The following RIPOR3 variants were observed in gnomAD, a reference collection of about 807,000 sequenced individuals.
The protein encoded by RIPOR3 is RIPOR family member 3, also known as family with sequence similarity 65 member C.
A neutral mutation model predicts 114.3 loss-of-function variants in RIPOR3; 95 were observed. The ratio of observed to expected loss-of-function variants is 0.83; its 90% CI spans 0.70 to 0.99. RIPOR3 has a LOEUF of 0.99. Ranked by LOEUF, RIPOR3 falls within the 50% of genes least tolerant of loss-of-function variation. RIPOR3 has a pLI of 0.00. For synonymous variants in RIPOR3, 575 were observed against 543.8 expected, an observed-to-expected ratio of 1.06 and a Z score of -0.80; for missense variants, 1,252 against 1,266.9, an observed-to-expected ratio of 0.99 and a Z score of 0.18.
intron 4 of RIPOR3, among the ~76,000 whole-genome samples, chr20:50,611,870 TCC>T (rs1406173388): frequency 6.6e-6 from 1 of 152,106 alleles, no homozygotes; most frequent in African/African-American, 2.4e-5. Context: ...ACGCCTGTAA[TCC>T]CAGCACTTTG....
At chr20:50,668,435 G>C (rs894816308) in intron 1 of RIPOR3, among the ~76,000 whole-genome samples, 1 of 152,182 alleles carries the variant, frequency 6.6e-6, no homozygotes, top group African/African-American at 2.4e-5. Flanking sequence ...AACAGGCAAA[G>C]CTGCTTCCTG....
At chr20:50,641,147 G>A (rs918553720) in intron 1 of RIPOR3, among the ~76,000 whole-genome samples, 1 of 152,020 alleles carries the variant, frequency 6.6e-6, no homozygotes, top group African/African-American at 2.4e-5. Flanking sequence ...CTGACCTCAG[G>A]TAATCCGCCT....
At chr20:50,619,496 G>A (rs945943187) in intron 3 of RIPOR3, among the ~76,000 whole-genome samples, 14 of 150,720 alleles carry the variant, frequency 9.3e-5, no homozygotes, top group African/African-American at 2.7e-4. Flanking sequence ...TGCAGGCCTC[G>A]GCCCAGCTCA....
intron 1 of RIPOR3, among the ~76,000 whole-genome samples, chr20:50,666,591 G>C (rs778789583): frequency 6.6e-5 from 10 of 150,928 alleles, no homozygotes; most frequent in African/African-American, 2.0e-4. Flanking sequence ...TTGAGACGGC[G>C]TCTCACTCTG....
At chr20:50,681,228 A>AG (rs2123606488) in intron 1 of RIPOR3, among the ~76,000 whole-genome samples, 1 of 103,462 alleles carries the variant, frequency 9.7e-6, no homozygotes, top group Admixed American at 1.1e-4. Flanking sequence ...CTGTCTCAAA[A>AG]AAAAAAAAAA....
intron 1 of RIPOR3, among the ~76,000 whole-genome samples, chr20:50,633,975 C>T (rs1269310068): frequency 6.2e-5 from 8 of 128,980 alleles, no homozygotes; most frequent in African/African-American, 1.1e-4. Context: ...TTCTTTCTTT[C>T]TTTTCTTTTT....
At chr20:50,680,551 C>T (rs771520030) in intron 1 of RIPOR3, among the ~76,000 whole-genome samples, 5 of 152,240 alleles carry the variant, frequency 3.3e-5, no homozygotes, top group Non-Finnish European at 5.9e-5. Flanking sequence ...AATTACCCTT[C>T]AGAATAGGTA....
At chr20:50,669,794 C>A (rs2086398406) in intron 1 of RIPOR3, among the ~76,000 whole-genome samples, 1 of 151,732 alleles carries the variant, frequency 6.6e-6, no homozygotes, top group South Asian at 2.1e-4. Context: ...GGCAGAGGGA[C>A]CTGCAGAAGG....
intron 2 of RIPOR3, among the ~76,000 whole-genome samples, chr20:50,627,085 G>A (rs1022017514): frequency 6.6e-6 from 1 of 152,100 alleles, no homozygotes; most frequent in Non-Finnish European, 1.5e-5. Context: ...AGGAGGCTGA[G>A]GCAGAAGAAT....
intron 1 of RIPOR3, among the ~76,000 whole-genome samples, chr20:50,672,551 A>C (rs573825193): frequency 1.3e-5 from 2 of 152,252 alleles, no homozygotes; most frequent in South Asian, 4.1e-4. Flanking sequence ...TGATAGCCCC[A>C]GTAACTGACT....
intron 1 of RIPOR3, among the ~76,000 whole-genome samples, chr20:50,643,303 T>G (rs1234302115): frequency 7.2e-4 from 108 of 149,514 alleles, no homozygotes; most frequent in Admixed American, 9.9e-4. Flanking sequence ...TGTGTGTGTT[T>G]TTTTTTTTTT....
At chr20:50,644,500 T>A (rs905793206) in intron 1 of RIPOR3, among the ~76,000 whole-genome samples, 2 of 152,048 alleles carry the variant, frequency 1.3e-5, no homozygotes, top group Admixed American at 6.6e-5. Flanking sequence ...CTTTTTTTTC[T>A]TTGAGGCAAG....
chr20:50,587,904 T>A lies in RIPOR3; in HGVS notation c.2662-12A>T. On this transcript the variant is annotated splice_polypyrimidine_tract_variant and intron_variant, in intron 20 of 21. Coordinates refer to ENST00000327979, the MANE Select transcript of RIPOR3 (RefSeq NM_001290268.2). ...ATGCTTTCAATGCCCTGTTCGAGATTAGGAGAAAAAGAACCCTTTAGGGGG... is the reference window on the plus strand; with the variant it reads ...ATGCTTTCAATGCCCTGTTCGAGATAAGGAGAAAAAGAACCCTTTAGGGGG... 3 of 1,613,722 alleles carry A rather than the reference T, an allele frequency of 1.9e-6. No individual in the cohort carries two copies. The highest frequency in any genetic ancestry group is 2.5e-6 in the Non-Finnish European group (3 of 1,179,856).
chr20:50,650,687 TC>T (rs2085570094), intron 1 of RIPOR3, among the ~76,000 whole-genome samples: 1 of 152,164 alleles, frequency 6.6e-6, no homozygotes, highest in South Asian at 2.1e-4. Flanking sequence ...CAGTCTGTAA[TC>T]CACAAAGTTC....
intron 11 of RIPOR3, among the ~76,000 whole-genome samples, chr20:50,606,476 C>T (rs1384574306): frequency 6.6e-6 from 1 of 152,228 alleles, no homozygotes; most frequent in Non-Finnish European, 1.5e-5. Flanking sequence ...CCCTACAGCC[C>T]TCCTGCCTCC....
At chr20:50,628,318 T>TC (rs1223928691) in intron 2 of RIPOR3, among the ~76,000 whole-genome samples, 1 of 151,896 alleles carries the variant, frequency 6.6e-6, no homozygotes, top group Non-Finnish European at 1.5e-5. Context: ...CTTCCCAGGC[T>TC]CCCCTCCACT....
intron 4 of RIPOR3, among the ~76,000 whole-genome samples, chr20:50,613,921 G>A (rs1165006406): frequency 6.6e-6 from 1 of 152,108 alleles, no homozygotes; most frequent in East Asian, 1.9e-4. Flanking sequence ...CAAGTCCCTG[G>A]CACACACATG....
chr20:50,609,058 A>G, intron 8 of RIPOR3, 103 bp from the exon 9 acceptor site: 1 of 1,492,584 alleles, frequency 6.7e-7, no homozygotes, highest in Non-Finnish European at 9.1e-7. Context: ...TTTCAGTTTC[A>G]GTGGGGTGAG....
rs116667488 is a variant in RIPOR3, at chr20:50,600,865, C to T, written c.1659+1207G>A. ...TTTTAACAACCATAGTAGTGGTAAA[C>T]GGAACATATTTTAAAGTTATGGATG... is the stretch of plus-strand genomic sequence containing the variant. On this transcript the variant is annotated intron_variant, in intron 13 of 21. Transcript: ENST00000327979. Among the ~76,000 whole-genome samples, 754 of 152,276 alleles carry T rather than the reference C, an allele frequency of 5.0e-3. 14 individuals are homozygous for T. The highest frequency in any genetic ancestry group is 0.016 in the African/African-American group (683 of 41,546).
Sources: gnomAD v4.1 joint callset for allele counts (sites outside exome capture counted in the v4.1 genomes callset) on GRCh38, gnomAD v4.1.1 for gene constraint, MANE v1.5 for transcripts, NCBI Gene and HGNC (gene_info 2026-07-23, HGNC 2026-07-21) for gene names.